The following DESI2 variants were observed in gnomAD, a reference collection of about 807,000 sequenced individuals.
DESI2 encodes deubiquitinase DESI2.
DESI2 carries 10 observed loss-of-function variants against 24.1 expected under a neutral mutation model. The observed-to-expected ratio is 0.41, with a 90% CI of 0.26 to 0.70. The LOEUF (loss-of-function observed/expected upper bound fraction) is 0.70, where lower values mean the gene tolerates loss of function less well. Ranked by LOEUF, DESI2 falls within the 30% of genes least tolerant of loss-of-function variation. The pLI is 0.29. For synonymous variants in DESI2, 71 were observed against 87.7 expected (o/e 0.81, Z 1.06); for missense variants, 122 against 234.9 (o/e 0.52, Z 3.14).
chr1:244,705,749 C>T lies in DESI2; in HGVS notation c.545C>T (p.Thr182Ile). 3.1e-6 allele frequency: 5 copies of T among 1,613,230 alleles called. No individual in the cohort carries two copies. Among genetic ancestry groups the T allele is most frequent in the Non-Finnish European group, 4.2e-6 (5 of 1,180,032 alleles). ...GCCGCATCCGCTTCCGTGGCAAGCACTGCAGCAGGCTCCAGACCCGGGCGC... is the reference window on the plus strand; with the variant it reads ...GCCGCATCCGCTTCCGTGGCAAGCATTGCAGCAGGCTCCAGACCCGGGCGC... Reference protein sequence around the residue: ...DAAASASVASTAAGSRPGRHT... With the variant: ...DAAASASVASIAAGSRPGRHT... Residue 182 changes from threonine (T) to isoleucine (I), a missense_variant, in exon 5 of 5, where the codon ACT (threonine) becomes ATT (isoleucine). Physicochemically the swap from Thr to Ile is moderately conservative, Grantham distance 89. This residue lies in a region of DESI2 where 56 missense variants were observed against 67.9 expected (regional missense o/e 0.82). Transcript: ENST00000302550.
intron 1 of DESI2, among the ~76,000 whole-genome samples, chr1:244,659,809 G>C (rs971035565): frequency 2.0e-5 from 3 of 152,188 alleles, no homozygotes; most frequent in African/African-American, 7.2e-5. Context: ...CTGCCACAGT[G>C]CCATCTATGA....
intron 1 of DESI2, among the ~76,000 whole-genome samples, chr1:244,679,546 T>C (rs2148797637): frequency 6.6e-6 from 1 of 152,340 alleles, no homozygotes; most frequent in African/African-American, 2.4e-5. Context: ...TAGCAGTTCA[T>C]CCCTAAATAC....
chr1:244,691,092 A>AT (rs1460660120), intron 3 of DESI2, among the ~76,000 whole-genome samples: 1 of 152,048 alleles, frequency 6.6e-6, no homozygotes, highest in African/African-American at 2.4e-5. Flanking sequence ...AGTCCTTTTA[A>AT]TTTTTGTTTG....
chr1:244,690,689 G>A (rs1363749607), intron 3 of DESI2, among the ~76,000 whole-genome samples: 1 of 145,320 alleles, frequency 6.9e-6, no homozygotes, highest in Non-Finnish European at 1.5e-5. Context: ...TGGGCAACAA[G>A]AGTAAATCTC....
At chr1:244,669,962 C>CT (rs11392135) in intron 1 of DESI2, among the ~76,000 whole-genome samples, 104,960 of 148,040 alleles carry the variant, frequency 0.71, 37,262 homozygotes, top group Non-Finnish European at 0.75. Flanking sequence ...ATAAATAATT[C>CT]TTTTTTTTTT....
rs1390031331 is a variant in DESI2, at chr1:244,689,612, C to T, written c.209+270C>T. On this transcript the variant is annotated intron_variant, in intron 3 of 4. Coordinates refer to ENST00000302550, the MANE Select transcript of DESI2 (RefSeq NM_016076.5). The surrounding 1 kb of genome is among the most constrained non-coding windows in gnomAD (Gnocchi z 4.0). ...GCAGCGTCCGCCTTCTAGGTTCAAG[C>T]GATTCTCCTGCCTCAGGCTCCCAAG... is the stretch of plus-strand genomic sequence containing the variant. Among the ~76,000 whole-genome samples the T allele has an allele frequency of 6.6e-6, 1 of 152,020 alleles. No individual in the cohort carries two copies. The highest frequency in any genetic ancestry group is 2.4e-5 in the African/African-American group (1 of 41,374).
chr1:244,696,796 A>G lies in DESI2; in HGVS notation c.351+4776A>G, dbSNP rs140352590. Among the ~76,000 whole-genome samples the G allele has an allele frequency of 1.4e-4, 21 of 152,324 alleles. No individual in the cohort carries two copies. The East Asian group carries it at 3.7e-3, about 27-fold the overall frequency. On this transcript the variant is annotated intron_variant, in intron 4 of 4. Coordinates refer to ENST00000302550, the MANE Select transcript of DESI2 (RefSeq NM_016076.5). ...TCTCATCATTCCCAGAACTGAGAAGAGTGGCTCCCTTTGCCTAACCTGTTT... is the reference window on the plus strand; with the variant it reads ...TCTCATCATTCCCAGAACTGAGAAGGGTGGCTCCCTTTGCCTAACCTGTTT...
At chr1:244,687,109 A>G (rs1324899448) in intron 2 of DESI2, among the ~76,000 whole-genome samples, 3 of 152,204 alleles carry the variant, frequency 2.0e-5, no homozygotes, top group African/African-American at 7.2e-5. Context: ...AGGGAATTTC[A>G]GTAATAAATT....
intron 2 of DESI2, among the ~76,000 whole-genome samples, chr1:244,688,237 C>T (rs971406890): frequency 2.6e-5 from 4 of 152,144 alleles, no homozygotes; most frequent in African/African-American, 9.7e-5. Flanking sequence ...ACTTTCCGTA[C>T]TATAATTGAG....
At chr1:244,679,689 G>A (rs1676536548) in intron 1 of DESI2, among the ~76,000 whole-genome samples, 2 of 152,004 alleles carry the variant, frequency 1.3e-5, no homozygotes, top group Non-Finnish European at 2.9e-5. Flanking sequence ...TGGCCAACAT[G>A]CCAAAACCCC....
Position 244,681,913 on chromosome 1 carries a change from T to C in DESI2, c.43-4684T>C, listed in dbSNP as rs186628497. ...TTCTTGGTCTCACTGACTTCAAGAA[T>C]GAAGCCGCAGACCCTCGTGGTGAGT... On this transcript the variant is annotated intron_variant, in intron 1 of 4. Transcript: ENST00000302550. Among the ~76,000 whole-genome samples, 822 of 152,346 alleles carry C rather than the reference T, an allele frequency of 5.4e-3. 4 individuals carry two copies. Among genetic ancestry groups the C allele is most frequent in the Non-Finnish European group, 9.7e-3 (662 of 68,034 alleles).
intron 4 of DESI2, among the ~76,000 whole-genome samples, chr1:244,699,523 A>G (rs1173734719): frequency 7.6e-6 from 1 of 130,838 alleles, no homozygotes. Flanking sequence ...GGGAGGTTGC[A>G]GGGAGCCGAG....
chr1:244,684,597 TA>T (rs888951263), intron 1 of DESI2, among the ~76,000 whole-genome samples: 11 of 151,206 alleles, frequency 7.3e-5, no homozygotes, highest in East Asian at 5.8e-4. Flanking sequence ...TTTTCTTTTT[TA>T]AAAAAAAAAT....
intron 4 of DESI2, 134 bp downstream of exon 4, chr1:244,692,154 T>A: frequency 1.3e-6 from 1 of 780,502 alleles, no homozygotes; most frequent in Non-Finnish European, 2.0e-6. Flanking sequence ...GTATTGTATT[T>A]CAATCTTGTA....
chr1:244,662,177 T>C (rs1258639417), intron 1 of DESI2, among the ~76,000 whole-genome samples: 1 of 152,244 alleles, frequency 6.6e-6, no homozygotes. Context: ...CATTTTTTCA[T>C]GTGTCTTTTG....
intron 1 of DESI2, among the ~76,000 whole-genome samples, chr1:244,681,412 TCTA>T (rs1020421242): frequency 2.6e-5 from 4 of 152,082 alleles, no homozygotes; most frequent in Non-Finnish European, 5.9e-5. Flanking sequence ...TCACTTGCTC[TCTA>T]CTAGAGCATA....
Position 244,705,661 on chromosome 1 carries a change from G to T in DESI2, c.457G>T (p.Ala153Ser), listed in dbSNP as rs373776959. Residue 153 changes from alanine (A) to serine (S), a missense_variant, in exon 5 of 5, where the codon GCA becomes TCA. Ala to Ser is a moderately conservative substitution (Grantham distance 99). This residue lies in a region of DESI2 where 56 missense variants were observed against 67.9 expected (regional missense o/e 0.82). Transcript: ENST00000302550. The stretch of plus-strand genomic sequence containing the variant: ...CCTCCCGAAGGAGTGGCTCACGCCC[G>T]CAGCCCTGCAGTCTAGTGTCAGCCA... ...SCLPKEWLTP[A>S]ALQSSVSQEL... 12 of 1,613,950 alleles carry T rather than the reference G, an allele frequency of 7.4e-6. No individual in the cohort carries two copies. The Admixed American group carries it at 2.0e-4, about 27-fold the overall frequency.
Position 244,707,139 on chromosome 1 carries a change from C to T in DESI2, c.*1350C>T, listed in dbSNP as rs1030238434. The T allele has an allele frequency of 7.9e-5, 12 of 152,640 alleles. No individual in the cohort carries two copies. The highest frequency in any genetic ancestry group is 1.5e-4 in the Non-Finnish European group (10 of 68,040). 9.5% of individuals were successfully genotyped at this position (152,640 alleles called of 1,614,324 possible). A position where few individuals can be genotyped will look rare whatever the true frequency, so the allele number is the denominator to read the frequency against. ...AGTGTAACACTATCCAAGGCAGTGA[C>T]TTCAGCTTTATATACATATAAAATA... On this transcript the variant is annotated 3_prime_UTR_variant, in exon 5 of 5. Coordinates refer to ENST00000302550, the MANE Select transcript of DESI2 (RefSeq NM_016076.5).
chr1:244,699,642 T>C (rs1677364375), intron 4 of DESI2, among the ~76,000 whole-genome samples: 1 of 145,418 alleles, frequency 6.9e-6, no homozygotes, highest in South Asian at 2.2e-4. Flanking sequence ...TGTCCCGCTT[T>C]AATATATCCC....
Sources: gnomAD v4.1 joint callset for allele counts (sites outside exome capture counted in the v4.1 genomes callset) on GRCh38, gnomAD v4.1.1 for gene constraint, gnomAD v4.1.1 regional missense constraint, Gnocchi (gnomAD v3.1) non-coding constraint, MANE v1.5 for transcripts, NCBI Gene and HGNC (gene_info 2026-07-23, HGNC 2026-07-21) for gene names.